The following MEIS2 variants were observed in gnomAD, a reference collection of about 807,000 sequenced individuals.
MEIS2 encodes the protein Meis homeobox 2.
A neutral mutation model predicts 58.6 loss-of-function variants in MEIS2; 9 were observed. The ratio of observed to expected loss-of-function variants is 0.15; its 90% CI spans 0.09 to 0.27. The LOEUF is 0.27. Ranked by LOEUF, MEIS2 falls within the 10% of genes least tolerant of loss-of-function variation. MEIS2 has a pLI of 1.00. For missense variants in MEIS2, 427 were observed against 635.0 expected (o/e 0.67, Z 3.52); for synonymous variants, 221 against 228.4 (o/e 0.97, Z 0.29).
At chr15:36,987,542 G>A (rs915176376) in intron 8 of MEIS2, among the ~76,000 whole-genome samples, 1 of 152,168 alleles carries the variant, frequency 6.6e-6, no homozygotes, top group Admixed American at 6.5e-5. Flanking sequence ...TCAGAATCAG[G>A]TTGGAGTTCT....
At chr15:36,900,015 A>G (rs1169616975) in intron 9 of MEIS2, among the ~76,000 whole-genome samples, 1 of 152,222 alleles carries the variant, frequency 6.6e-6, no homozygotes, top group Non-Finnish European at 1.5e-5. Flanking sequence ...GTTATTTCCA[A>G]TCCAAAGACT....
At position 36,890,334 on chromosome 15, in the gene MEIS2, G is replaced by A. The variant is rs773508219; in HGVS notation, c.*1839C>T. 2.0e-5 allele frequency: 3 copies of A among 152,072 alleles called. No homozygotes were observed. Among genetic ancestry groups the A allele is most frequent in the Non-Finnish European group, 4.4e-5 (3 of 67,996 alleles). 9.4% of individuals were successfully genotyped at this position (152,072 alleles called of 1,614,324 possible). ...AATAAGCTAATGGTATAGATTTCCA[G>A]GAATGTTGCATAAAATTTTGAAAAT... On this transcript the variant is annotated 3_prime_UTR_variant, in exon 12 of 12. Coordinates refer to ENST00000561208, the MANE Select transcript of MEIS2 (RefSeq NM_170675.5).
intron 11 of MEIS2, chr15:36,894,698 C>G: frequency 1.3e-6 from 2 of 1,562,754 alleles, no homozygotes; most frequent in Non-Finnish European, 1.8e-6. Flanking sequence ...GAAGACAGAT[C>G]GCACCCGACT....
intron 8 of MEIS2, among the ~76,000 whole-genome samples, chr15:37,001,534 T>C (rs2141598341): frequency 6.6e-6 from 1 of 152,234 alleles, no homozygotes; most frequent in Middle Eastern, 3.4e-3. Context: ...TCCCCCTCTT[T>C]CCCTGTTCAC....
At chr15:37,069,199 G>A (rs1047404720) in intron 7 of MEIS2, among the ~76,000 whole-genome samples, 1 of 152,160 alleles carries the variant, frequency 6.6e-6, no homozygotes, top group Non-Finnish European at 1.5e-5. Flanking sequence ...GCTAGGATAT[G>A]TAGTGCATGT....
chr15:37,025,550 A>G (rs531166738), intron 8 of MEIS2, among the ~76,000 whole-genome samples: 44 of 152,174 alleles, frequency 2.9e-4, no homozygotes, highest in Admixed American at 2.0e-3. Context: ...TTTTTAAATG[A>G]ATTACAGACA....
intron 9 of MEIS2, among the ~76,000 whole-genome samples, chr15:36,933,362 C>A (rs1476765279): frequency 6.6e-6 from 1 of 152,152 alleles, no homozygotes; most frequent in Non-Finnish European, 1.5e-5. Context: ...CATACCCATA[C>A]ACATATATGT....
At chr15:36,944,041 G>C (rs2058469531) in intron 9 of MEIS2, among the ~76,000 whole-genome samples, 1 of 152,020 alleles carries the variant, frequency 6.6e-6, no homozygotes, top group African/African-American at 2.4e-5. Context: ...CAGCTGCCTA[G>C]GTACAATAAA....
At chr15:37,078,388 T>C (rs2141897062) in intron 7 of MEIS2, among the ~76,000 whole-genome samples, 1 of 151,316 alleles carries the variant, frequency 6.6e-6, no homozygotes, top group South Asian at 2.1e-4. Flanking sequence ...AATAAAAATA[T>C]GGTTCTCTTT....
chr15:36,892,530 G>GAAAAAA, intron 11 of MEIS2, 71 bp from the exon 12 acceptor site: 1 of 528,134 alleles, frequency 1.9e-6, no homozygotes. Flanking sequence ...CATCAAAGAT[G>GAAAAAA]AAAAGAAAAA....
chr15:37,027,830 A>G (rs2061758311), intron 8 of MEIS2, among the ~76,000 whole-genome samples: 1 of 151,932 alleles, frequency 6.6e-6, no homozygotes, highest in Admixed American at 6.6e-5. Context: ...AGAGGAAGGT[A>G]CAGAGATTTC....
intron 9 of MEIS2, among the ~76,000 whole-genome samples, chr15:36,947,006 C>T (rs778388929): frequency 2.0e-5 from 3 of 151,962 alleles, no homozygotes; most frequent in Non-Finnish European, 4.4e-5. Flanking sequence ...TCTCCTAACG[C>T]GTGTACTTTG....
intron 7 of MEIS2, among the ~76,000 whole-genome samples, chr15:37,047,134 T>C (rs1326903767): frequency 6.6e-6 from 1 of 152,096 alleles, no homozygotes; most frequent in Non-Finnish European, 1.5e-5. Context: ...ATAATAAAGC[T>C]CTTCTGGGCA....
chr15:37,081,829 G>A (rs1892244091), intron 7 of MEIS2, among the ~76,000 whole-genome samples: 1 of 152,152 alleles, frequency 6.6e-6, no homozygotes, highest in South Asian at 2.1e-4. Context: ...CATTGGATAA[G>A]TGGGTGCATC....
At chr15:37,006,673 C>G (rs2060934655) in intron 8 of MEIS2, among the ~76,000 whole-genome samples, 1 of 152,254 alleles carries the variant, frequency 6.6e-6, no homozygotes, top group African/African-American at 2.4e-5. Context: ...ACTGACGTAG[C>G]TCACTAGAGA....
chr15:37,030,056 C>T (rs1415160882), intron 8 of MEIS2, among the ~76,000 whole-genome samples: 1 of 152,120 alleles, frequency 6.6e-6, no homozygotes, highest in Non-Finnish European at 1.5e-5. Context: ...TTGCAGACAG[C>T]CTAGACTTTC....
In MEIS2 at chr15:36,890,070, G is replaced by A. The variant is rs903416964; in HGVS notation, c.*2103C>T. ...TAAATGCTGTCTGAAATGGAAAGAT[G>A]GAAGAGCCCCAAATAATAACTATGG... is the stretch of plus-strand genomic sequence containing the variant. On this transcript the variant is annotated 3_prime_UTR_variant, in exon 12 of 12. Coordinates refer to ENST00000561208, the MANE Select transcript of MEIS2 (RefSeq NM_170675.5). 6.6e-6 allele frequency: 1 copy of A among 152,162 alleles called. No individual in the cohort carries two copies. Among genetic ancestry groups the A allele is most frequent in the Non-Finnish European group, 1.5e-5 (1 of 68,024 alleles). 9.4% of individuals were successfully genotyped at this position (152,162 alleles called of 1,614,324 possible). A position where few individuals can be genotyped will look rare whatever the true frequency, so the allele number is the denominator to read the frequency against.
chr15:37,080,769 G>T (rs1428356939), intron 7 of MEIS2, among the ~76,000 whole-genome samples: 1 of 152,154 alleles, frequency 6.6e-6, no homozygotes, highest in East Asian at 1.9e-4. Flanking sequence ...TTTAGCAAGA[G>T]AAATCAGTGA....
intron 8 of MEIS2, among the ~76,000 whole-genome samples, chr15:37,004,268 T>TAA (rs1489991019): frequency 6.6e-6 from 1 of 152,206 alleles, no homozygotes; most frequent in African/African-American, 2.4e-5. Flanking sequence ...TTAGGATAAC[T>TAA]AAGGGCTTTT....
Sources: gnomAD v4.1 joint callset for allele counts (sites outside exome capture counted in the v4.1 genomes callset) on GRCh38, gnomAD v4.1.1 for gene constraint, MANE v1.5 for transcripts, NCBI Gene and HGNC (gene_info 2026-07-23, HGNC 2026-07-21) for gene names.